Variants in CXADR observed in about 807,000 individuals in gnomAD.
CXADR encodes the protein coxsackievirus and adenovirus receptor.
CXADR carries 20 observed loss-of-function variants against 40.3 expected under a neutral mutation model. The observed-to-expected ratio is 0.50, with a 90% CI of 0.35 to 0.72. The LOEUF is 0.72. Among genes scored for constraint, CXADR ranks in the 30% least tolerant of loss-of-function variants. CXADR has a pLI of 0.01. For synonymous variants in CXADR, 150 were observed against 161.3 expected (o/e 0.93, Z 0.53); for missense variants, 332 against 449.1 (o/e 0.74, Z 2.36).
chr21:17,514,363 C>T (rs540910266), intron 1 of CXADR, among the ~76,000 whole-genome samples: 5 of 152,234 alleles, frequency 3.3e-5, no homozygotes, highest in African/African-American at 1.2e-4. Flanking sequence ...AATCTTCGAT[C>T]TGAGCCTATA....
chr21:17,603,939 G>C, the CXADR span, among the ~76,000 whole-genome samples: 2 of 152,130 alleles, frequency 1.3e-5, no homozygotes, highest in African/African-American at 4.8e-5. Flanking sequence ...ATTTCAAACT[G>C]AATTACCTAA....
chr21:17,604,834 T>C, the CXADR span: 2 of 1,606,570 alleles, frequency 1.2e-6, no homozygotes, highest in Non-Finnish European at 1.7e-6. Flanking sequence ...TGGTCATCAG[T>C]TCAGCCTCTA....
chr21:17,523,167 A>T (rs1264149852), intron 1 of CXADR, among the ~76,000 whole-genome samples: 1 of 152,118 alleles, frequency 6.6e-6, no homozygotes. Context: ...AGCATGTTCT[A>T]ACCTTTATCA....
intron 6 of CXADR, among the ~76,000 whole-genome samples, chr21:17,563,605 CA>C (rs1324796556): frequency 6.6e-6 from 1 of 151,936 alleles, no homozygotes; most frequent in African/African-American, 2.4e-5. Context: ...TGAGAATTTC[CA>C]AAATGCAACA....
intron 1 of CXADR, among the ~76,000 whole-genome samples, chr21:17,514,611 G>A (rs1032325265): frequency 1.3e-5 from 2 of 151,188 alleles, no homozygotes; most frequent in African/African-American, 4.9e-5. Flanking sequence ...GCAGAAAAGT[G>A]GAAGAACATA....
Position 17,568,330 on chromosome 21 carries a change from G to A in CXADR, c.*2638G>A, listed in dbSNP as rs1784914. 259,502 of 800,368 alleles carry A rather than the reference G, an allele frequency of 0.32. 43,080 individuals are homozygous for A. Among genetic ancestry groups the A allele is most frequent in the African/African-American group, 0.48 (25,224 of 52,774 alleles). 49.6% of individuals were successfully genotyped at this position (800,368 alleles called of 1,614,324 possible). A position where few individuals can be genotyped will look rare whatever the true frequency, so the allele number is the denominator to read the frequency against. ...ATTTTAGTAGAGACAGGGTTTCACC[G>A]TGTTAGCCAGGATGGTCTCGATCTC... On this transcript the variant is annotated 3_prime_UTR_variant, in exon 7 of 7. Transcript: ENST00000284878.
In CXADR at chr21:17,568,254, G is replaced by T. The variant is rs929368796; in HGVS notation, c.*2562G>T. On this transcript the variant is annotated 3_prime_UTR_variant, in exon 7 of 7. Coordinates refer to ENST00000284878, the MANE Select transcript of CXADR (RefSeq NM_001338.5). Reference sequence around the variant, plus strand: ...CGCCATTCTCCTGCCTCAGCCTCCCGAGCAGCTGGGACTACAGGCTCCCAT... The same window carrying T: ...CGCCATTCTCCTGCCTCAGCCTCCCTAGCAGCTGGGACTACAGGCTCCCAT... 1.5e-5 allele frequency: 13 copies of T among 850,048 alleles called. No homozygotes were observed. The highest frequency in any genetic ancestry group is 5.4e-5 in the South Asian group (1 of 18,382). 52.7% of individuals were successfully genotyped at this position (850,048 alleles called of 1,614,324 possible).
At chr21:17,552,344 A>G (rs747349864) in intron 3 of CXADR, among the ~76,000 whole-genome samples, 5 of 152,170 alleles carry the variant, frequency 3.3e-5, no homozygotes, top group Admixed American at 3.3e-4. Flanking sequence ...AGAAATATGG[A>G]AGAAGGAATA....
chr21:17,559,663 TTTTGGG>T (rs1333851883), intron 4 of CXADR, among the ~76,000 whole-genome samples: 1 of 31,224 alleles, frequency 3.2e-5, no homozygotes. Context: ...TGGTACTTTT[TTTTGGG>T]TTTTTTTTTT....
downstream of CXADR, among the ~76,000 whole-genome samples, chr21:17,572,268 G>C (rs2061283915): frequency 0.029 from 1 of 34 alleles, no homozygotes; most frequent in Non-Finnish European, 0.062. Flanking sequence ...CTATCTGGGA[G>C]GCTGAATGGG....
chr21:17,586,835 T>C (rs569704562), intron 7 of CXADR, among the ~76,000 whole-genome samples: 59 of 152,236 alleles, frequency 3.9e-4, no homozygotes, highest in South Asian at 8.3e-4. Flanking sequence ...TGTGCTGCAC[T>C]CATTAACTCG....
At chr21:17,598,146 CTT>C (rs955901893), downstream of CXADR, among the ~76,000 whole-genome samples, 67 of 152,170 alleles carry the variant, frequency 4.4e-4, no homozygotes, top group Non-Finnish European at 2.2e-4. Context: ...AGCTATATGA[CTT>C]TTCAACTAGT....
In CXADR at chr21:17,568,727, T is replaced by A. The variant is rs2061247480; in HGVS notation, c.*3035T>A. The A allele has an allele frequency of 1.0e-6, 1 of 980,176 alleles. No individual in the cohort carries two copies. Among genetic ancestry groups the A allele is most frequent in the Admixed American group, 6.2e-5 (1 of 16,028 alleles). The allele number at this position is 980,176 out of a possible 1,614,324, so 60.7% of individuals were successfully genotyped here. ...TTGAATATGGAGTAGTTTACAGCTA[T>A]TTTTTTTTCTTACTGGTAATCTTAA... On this transcript the variant is annotated 3_prime_UTR_variant, in exon 7 of 7. Transcript: ENST00000284878.
chr21:17,552,504 T>G (rs1051437675), intron 3 of CXADR, among the ~76,000 whole-genome samples: 2 of 152,198 alleles, frequency 1.3e-5, no homozygotes, highest in African/African-American at 4.8e-5. Flanking sequence ...TAAACTGCTT[T>G]GTAAACTGCC....
At chr21:17,565,239 A>G (rs2824360) in intron 6 of CXADR, among the ~76,000 whole-genome samples, 189 bp from the exon 7 acceptor site, 4,624 of 152,242 alleles carry the variant, frequency 0.03, 236 homozygotes, top group African/African-American at 0.11. Flanking sequence ...TTGGAGACAT[A>G]CACAATTTAT....
the CXADR span, chr21:17,608,898 AC>A: frequency 7.0e-7 from 1 of 1,435,294 alleles, no homozygotes; most frequent in Non-Finnish European, 9.4e-7. Flanking sequence ...TGGTCTGCAC[AC>A]CCTTCAATCA....
intron 1 of CXADR, among the ~76,000 whole-genome samples, chr21:17,546,633 C>T (rs970617536): frequency 6.6e-6 from 1 of 152,152 alleles, no homozygotes; most frequent in Non-Finnish European, 1.5e-5. Flanking sequence ...GCCTCTCTTC[C>T]AACACTGGGG....
the CXADR span, among the ~76,000 whole-genome samples, chr21:17,607,667 C>T: frequency 3.3e-5 from 5 of 152,010 alleles, no homozygotes; most frequent in Non-Finnish European, 7.3e-5. Context: ...GAAAGGAAGT[C>T]CTTCTGACAT....
At chr21:17,563,919 C>T (rs1265488271) in intron 6 of CXADR, among the ~76,000 whole-genome samples, 1 of 67,510 alleles carries the variant, frequency 1.5e-5, no homozygotes, top group Non-Finnish European at 3.1e-5. Flanking sequence ...CCAGCCTGGG[C>T]AACAGAGCAA....
Sources: allele counts gnomAD v4.1 joint callset (sites outside exome capture counted in the v4.1 genomes callset), GRCh38; gene constraint gnomAD v4.1.1; transcripts MANE v1.5; gene names NCBI Gene and HGNC (gene_info 2026-07-23, HGNC 2026-07-21).